Variants in DNAJC11 observed in about 807,000 individuals in gnomAD.
The protein encoded by DNAJC11 is dnaJ homolog subfamily C member 11.
Under a neutral mutation model 78.6 loss-of-function variants are expected in DNAJC11, and 15 were observed. That is an observed-to-expected ratio of 0.19 (90% CI 0.13 to 0.29). The LOEUF (loss-of-function observed/expected upper bound fraction) is 0.29, where lower values mean the gene tolerates loss of function less well. DNAJC11 is among the 10% of genes least tolerant of loss of function. The probability of loss-of-function intolerance (pLI) is 1.00; values close to 1 mark genes in which losing one functional copy is unlikely to be tolerated. For synonymous variants in DNAJC11, 292 were observed against 272.1 expected, an observed-to-expected ratio of 1.07 and a Z score of -0.72; for missense variants, 547 against 709.6, an observed-to-expected ratio of 0.77 and a Z score of 2.60.
intron 4 of DNAJC11, among the ~76,000 whole-genome samples, chr1:6,657,497 T>TC (rs1281325272): frequency 6.6e-6 from 1 of 152,060 alleles, no homozygotes; most frequent in Non-Finnish European, 1.5e-5. Context: ...TCCCAGCCAA[T>TC]CCACAGAACT....
chr1:6,652,718 T>G, intron 6 of DNAJC11, 111 bp downstream of exon 6: 1 of 1,460,606 alleles, frequency 6.8e-7, no homozygotes, highest in Non-Finnish European at 9.3e-7. Flanking sequence ...GTACCGTTCT[T>G]ACACAACAAC....
In DNAJC11 at chr1:6,645,736, G is replaced by A; in HGVS notation, c.894+53C>T. On this transcript the variant is annotated intron_variant, in intron 8 of 15. Transcript: ENST00000377577. The surrounding 1 kb of genome is among the most constrained non-coding windows in gnomAD (Gnocchi z 4.1). The stretch of plus-strand genomic sequence containing the variant: ...TAAGGGGAGCACTGAGTGCTTGGGA[G>A]GAGGGGTCCTCCCAGAGCTCTGTCT... 6.3e-7 allele frequency: 1 copy of A among 1,589,996 alleles called. No homozygotes were observed. The highest frequency in any genetic ancestry group is 1.1e-5 in the South Asian group (1 of 89,036).
At chr1:6,690,817 G>A (rs368346249) in intron 1 of DNAJC11, among the ~76,000 whole-genome samples, 11 of 152,214 alleles carry the variant, frequency 7.2e-5, no homozygotes, top group East Asian at 3.9e-4. Flanking sequence ...CCAGCTACTC[G>A]GGAGGCTGAG....
At chr1:6,657,897 G>A (rs191536418) in intron 4 of DNAJC11, among the ~76,000 whole-genome samples, 17 of 152,304 alleles carry the variant, frequency 1.1e-4, no homozygotes, top group Admixed American at 2.6e-4. Flanking sequence ...TGCCCACCTT[G>A]GCCTCCCAAA....
chr1:6,695,470 T>C (rs1642819535), intron 1 of DNAJC11, among the ~76,000 whole-genome samples: 1 of 151,800 alleles, frequency 6.6e-6, no homozygotes, highest in Non-Finnish European at 1.5e-5. Context: ...CTTAAGCCAT[T>C]ATTACCTGTT....
chr1:6,653,919 A>T lies in DNAJC11; in HGVS notation c.499T>A (p.Ser167Thr), dbSNP rs1259506130. The T allele has an allele frequency of 1.9e-6, 3 of 1,612,286 alleles. No homozygotes were observed. The South Asian group carries it at 3.3e-5, about 18-fold the overall frequency. The stretch of plus-strand genomic sequence containing the variant: ...GTGGTTGTGTGCTTTACCTCAATGG[A>T]CTGGGATATGTGCATTTTATTAATT... ...IEINKMHISQSIEAPLTATDT... is the reference protein window; with the variant it reads ...IEINKMHISQTIEAPLTATDT... Residue 167 changes from serine to threonine, a missense_variant, in exon 5 of 16, where the codon TCC becomes ACC. Transcript: ENST00000377577. This position sits in a 1 kb window ranked among gnomAD's most constrained non-coding sequence, Gnocchi z 4.5.
At chr1:6,683,222 T>G (rs746425524) in intron 1 of DNAJC11, among the ~76,000 whole-genome samples, 2 of 152,174 alleles carry the variant, frequency 1.3e-5, no homozygotes, top group Non-Finnish European at 2.9e-5. Context: ...GCCATGCTCA[T>G]GTGGTTCGCT....
intron 7 of DNAJC11, 93 bp downstream of exon 7, chr1:6,651,436 T>C: frequency 8.9e-7 from 1 of 1,117,336 alleles, no homozygotes; most frequent in Non-Finnish European, 1.3e-6. Context: ...ACAGACAAGA[T>C]AGTGCCAACC....
At chr1:6,638,617 T>C (rs1163402541) in intron 11 of DNAJC11, among the ~76,000 whole-genome samples, 1 of 152,174 alleles carries the variant, frequency 6.6e-6, no homozygotes, top group East Asian at 1.9e-4. Flanking sequence ...CGACTGTCAG[T>C]CTCTTTGGAA....
chr1:6,639,759 C>T, intron 11 of DNAJC11, 143 bp downstream of exon 11: 1 of 807,850 alleles, frequency 1.2e-6, no homozygotes, highest in Non-Finnish European at 1.8e-6. Context: ...ACCCAGACAT[C>T]AGCCTAAGTG....
intron 10 of DNAJC11, among the ~76,000 whole-genome samples, chr1:6,643,483 G>GC (rs1337089072): frequency 6.6e-6 from 1 of 151,972 alleles, no homozygotes; most frequent in Non-Finnish European, 1.5e-5. Flanking sequence ...CACCGTGTTA[G>GC]CCAGGATGGT....
intron 3 of DNAJC11, among the ~76,000 whole-genome samples, chr1:6,677,162 AAAAAAAAAAAAAC>A (rs1642477106): frequency 6.6e-6 from 1 of 150,956 alleles, no homozygotes; most frequent in South Asian, 2.1e-4. Context: ...TGGTCTCAAA[AAAAAAAAAAAAAC>A]AAAAAAAACG....
At chr1:6,636,936 C>T (rs1641787585) in intron 14 of DNAJC11, among the ~76,000 whole-genome samples, 3 of 152,318 alleles carry the variant, frequency 2.0e-5, no homozygotes, top group Non-Finnish European at 2.9e-5. Flanking sequence ...GTAGCCTCAA[C>T]CTCCTGGGCT....
chr1:6,697,019 T>C (rs779425011), intron 1 of DNAJC11, among the ~76,000 whole-genome samples: 7 of 152,242 alleles, frequency 4.6e-5, no homozygotes, highest in African/African-American at 4.8e-5. Context: ...CTCTGATTTA[T>C]AGTTAAGGAA....
chr1:6,690,443 C>T (rs1642727059), intron 1 of DNAJC11, among the ~76,000 whole-genome samples: 1 of 152,122 alleles, frequency 6.6e-6, no homozygotes, highest in African/African-American at 2.4e-5. Flanking sequence ...AGGTAATTTG[C>T]CCCCCACAAA....
At chr1:6,658,089 C>T (rs536546652) in intron 4 of DNAJC11, among the ~76,000 whole-genome samples, 4 of 152,330 alleles carry the variant, frequency 2.6e-5, no homozygotes, top group Non-Finnish European at 4.4e-5. Flanking sequence ...TTCTGTGCAT[C>T]GATACTCCTC....
intron 10 of DNAJC11, among the ~76,000 whole-genome samples, chr1:6,644,105 C>T (rs543275700): frequency 2.2e-4 from 34 of 151,986 alleles, no homozygotes; most frequent in Non-Finnish European, 4.6e-4. Flanking sequence ...CTCCTGACCT[C>T]GTGATCCACG....
At chr1:6,661,290 T>C (rs1642208272) in intron 4 of DNAJC11, among the ~76,000 whole-genome samples, 1 of 152,190 alleles carries the variant, frequency 6.6e-6, no homozygotes, top group South Asian at 2.1e-4. Context: ...GTTTTATAAC[T>C]GGTGAACCCA....
At chr1:6,697,154 T>C (rs897140532) in intron 1 of DNAJC11, among the ~76,000 whole-genome samples, 6 of 152,034 alleles carry the variant, frequency 3.9e-5, no homozygotes, top group African/African-American at 1.4e-4. Flanking sequence ...GCCCAGTGAG[T>C]GATAAAGTAC....
Sources: gnomAD v4.1 joint callset for allele counts (sites outside exome capture counted in the v4.1 genomes callset) on GRCh38, gnomAD v4.1.1 for gene constraint, Gnocchi (gnomAD v3.1) non-coding constraint, MANE v1.5 for transcripts, NCBI Gene and HGNC (gene_info 2026-07-23, HGNC 2026-07-21) for gene names.